MIR2052HG: variants seen among roughly 807,000 people sequenced by gnomAD.
MIR2052HG encodes MIR2052 host gene.
rs1463507151 is a variant in MIR2052HG, at chr8:74,733,501, T to A, written n.372-18940T>A. Among the ~76,000 whole-genome samples, 3 of 150,600 alleles carry A rather than the reference T, an allele frequency of 2.0e-5. No homozygotes were observed. In the East Asian group the frequency reaches 5.8e-4, roughly 29 times the overall value. ...TATCATTGTTGGACATTTGGGTTGGTTCCAAGTCTTTGCTATTGTGAATAG... is the reference window on the plus strand; with the variant it reads ...TATCATTGTTGGACATTTGGGTTGGATCCAAGTCTTTGCTATTGTGAATAG... On this transcript the variant is annotated intron_variant and non_coding_transcript_variant, in intron 4 of 6. Transcript: ENST00000523442.
At chr8:74,750,371 C>T (rs2128756629) in intron 4 of MIR2052HG, among the ~76,000 whole-genome samples, 1 of 152,208 alleles carries the variant, frequency 6.6e-6, no homozygotes, top group African/African-American at 2.4e-5. Flanking sequence ...AGTGAAAAAT[C>T]TAATTTTTTT....
chr8:74,742,470 C>A (rs1004834711), intron 4 of MIR2052HG, among the ~76,000 whole-genome samples: 1 of 152,092 alleles, frequency 6.6e-6, no homozygotes, highest in African/African-American at 2.4e-5. Flanking sequence ...AGAATTATAT[C>A]TGGTTAGTTG....
At chr8:74,613,879 A>G (rs991627146) in intron 2 of MIR2052HG, among the ~76,000 whole-genome samples, 11 of 152,172 alleles carry the variant, frequency 7.2e-5, no homozygotes, top group African/African-American at 2.4e-4. Flanking sequence ...GTCAGAAGCT[A>G]CTGGCCATGA....
intron 1 of MIR2052HG, among the ~76,000 whole-genome samples, chr8:74,602,869 C>CTTTCTTTCTT (rs1563508663): frequency 1.4e-5 from 2 of 147,602 alleles, no homozygotes; most frequent in South Asian, 4.3e-4. Context: ...TTCTTTCTTT[C>CTTTCTTTCTT]TTTCTTTTTT....
At chr8:74,720,280 C>G (rs751132024) in intron 4 of MIR2052HG, among the ~76,000 whole-genome samples, 1 of 152,238 alleles carries the variant, frequency 6.6e-6, no homozygotes, top group Non-Finnish European at 1.5e-5. Flanking sequence ...CAGGCCCCAA[C>G]AAAGTGAGTC....
intron 1 of MIR2052HG, among the ~76,000 whole-genome samples, chr8:74,609,214 C>A (rs1158289179): frequency 2.0e-5 from 3 of 151,652 alleles, no homozygotes; most frequent in African/African-American, 4.8e-5. Context: ...AGAACAAATA[C>A]CGTGAAAGAT....
At chr8:74,698,670 A>C (rs938067735) in intron 2 of MIR2052HG, among the ~76,000 whole-genome samples, 1 of 152,120 alleles carries the variant, frequency 6.6e-6, no homozygotes, top group African/African-American at 2.4e-5. Flanking sequence ...AGAACAAACC[A>C]AACAATCCCA....
chr8:74,745,620 T>G (rs1809876943), intron 4 of MIR2052HG, among the ~76,000 whole-genome samples: 1 of 151,598 alleles, frequency 6.6e-6, no homozygotes, highest in Admixed American at 6.6e-5. Context: ...ACAAAGAAAA[T>G]AAAACGCATG....
chr8:74,624,534 A>C (rs567310324), intron 2 of MIR2052HG, among the ~76,000 whole-genome samples: 1 of 152,040 alleles, frequency 6.6e-6, no homozygotes, highest in African/African-American at 2.4e-5. Context: ...CAGATTCCCA[A>C]CTATCTCCTA....
At chr8:74,601,844 A>G (rs1474643337) in intron 1 of MIR2052HG, among the ~76,000 whole-genome samples, 1 of 152,198 alleles carries the variant, frequency 6.6e-6, no homozygotes, top group Non-Finnish European at 1.5e-5. Context: ...GAGCATTATT[A>G]ATCATATTTA....
chr8:74,630,723 T>A (rs1463782624), intron 2 of MIR2052HG, among the ~76,000 whole-genome samples: 1 of 152,126 alleles, frequency 6.6e-6, no homozygotes, highest in Non-Finnish European at 1.5e-5. Flanking sequence ...CAACTACATC[T>A]CCTTAGCCAT....
chr8:74,725,270 A>G (rs1809621875), intron 4 of MIR2052HG, among the ~76,000 whole-genome samples: 1 of 152,210 alleles, frequency 6.6e-6, no homozygotes, highest in Admixed American at 6.5e-5. Context: ...CTGTGTTCAC[A>G]GTTGGCTGAT....
At chr8:74,616,336 T>G (rs564084051) in intron 2 of MIR2052HG, among the ~76,000 whole-genome samples, 358 of 150,980 alleles carry the variant, frequency 2.4e-3, no homozygotes, top group African/African-American at 8.5e-3. Flanking sequence ...CTCACTGTGG[T>G]TTTGATTTGC....
chr8:74,711,400 T>C lies in MIR2052HG; in HGVS notation n.371+7718T>C, dbSNP rs557034060. On this transcript the variant is annotated intron_variant and non_coding_transcript_variant, in intron 4 of 6. Coordinates refer to ENST00000523442, the Ensembl canonical transcript of MIR2052HG. Reference sequence around the variant, plus strand: ...TGTATGTAGGAGGATCTTAATCATTTTACTGAATGAATGAATAGAATTTCA... The same window carrying C: ...TGTATGTAGGAGGATCTTAATCATTCTACTGAATGAATGAATAGAATTTCA... Among the ~76,000 whole-genome samples, 13 of 152,350 alleles carry C rather than the reference T, an allele frequency of 8.5e-5. No individual in the cohort carries two copies. In the South Asian group the frequency reaches 2.7e-3, roughly 32 times the overall value.
intron 2 of MIR2052HG, among the ~76,000 whole-genome samples, chr8:74,668,552 C>T (rs1808956985): frequency 6.6e-6 from 1 of 152,180 alleles, no homozygotes; most frequent in Admixed American, 6.5e-5. Context: ...TTTTCTATCC[C>T]TACTTTCTAA....
intron 2 of MIR2052HG, among the ~76,000 whole-genome samples, chr8:74,639,953 A>G (rs1347309393): frequency 6.6e-6 from 1 of 152,190 alleles, no homozygotes; most frequent in Non-Finnish European, 1.5e-5. Context: ...AATGAGAGCC[A>G]CTTGAGCCAT....
At chr8:74,647,210 C>A (rs1808697875) in intron 2 of MIR2052HG, among the ~76,000 whole-genome samples, 1 of 152,092 alleles carries the variant, frequency 6.6e-6, no homozygotes, top group Admixed American at 6.5e-5. Context: ...CATGGTATTT[C>A]AGCAAAGAGG....
chr8:74,749,512 C>A (rs1043069603), intron 4 of MIR2052HG, among the ~76,000 whole-genome samples: 2 of 152,092 alleles, frequency 1.3e-5, no homozygotes, highest in Non-Finnish European at 2.9e-5. Context: ...GAAAACGTCT[C>A]AACATAATTT....
At chr8:74,674,478 A>G (rs1041716835) in intron 2 of MIR2052HG, among the ~76,000 whole-genome samples, 2 of 152,008 alleles carry the variant, frequency 1.3e-5, no homozygotes, top group African/African-American at 4.8e-5. Context: ...ATAAAATTAA[A>G]CATAATATTG....
Sources: gnomAD v4.1 joint callset for allele counts (sites outside exome capture counted in the v4.1 genomes callset) on GRCh38, gnomAD v4.1.1 for gene constraint, MANE v1.5 for transcripts, NCBI Gene and HGNC (gene_info 2026-07-23, HGNC 2026-07-21) for gene names.